ADAMTS3: variants seen among roughly 807,000 people sequenced by gnomAD.
ADAMTS3 encodes A disintegrin and metalloproteinase with thrombospondin motifs 3.
In ADAMTS3, 73 loss-of-function variants were observed where a neutral mutation model predicts 129.0. That is an observed-to-expected ratio of 0.57 (90% CI 0.47 to 0.69). The LOEUF (loss-of-function observed/expected upper bound fraction) is 0.69. ADAMTS3 is among the 30% of genes least tolerant of loss of function. ADAMTS3 has a pLI of 0.00. For synonymous variants in ADAMTS3, 477 were observed against 510.8 expected (o/e 0.93, Z 0.89); for missense variants, 1,457 against 1,514.5 (o/e 0.96, Z 0.63).
chr4:72,317,583 A>G (rs181384304), intron 10 of ADAMTS3, among the ~76,000 whole-genome samples: 15 of 152,080 alleles, frequency 9.9e-5, no homozygotes, highest in Admixed American at 8.5e-4. Context: ...CATTTAACAT[A>G]TATACGTGCC....
Position 72,550,535 on chromosome 4 carries a change from T to C in ADAMTS3, c.98-1651A>G, listed in dbSNP as rs569812199. On this transcript the variant is annotated intron_variant, in intron 2 of 21. Transcript: ENST00000286657. ...ACTAAATGAATACAGCAAGCAACAC[T>C]TGTAAATATTTACTAGGCAAAGAAG... Among the ~76,000 whole-genome samples, 8 of 152,286 alleles carry C rather than the reference T, an allele frequency of 5.3e-5. No homozygotes were observed. The South Asian group carries it at 1.5e-3, about 28-fold the overall frequency.
chr4:72,531,916 C>A (rs531454712), intron 3 of ADAMTS3, among the ~76,000 whole-genome samples: 2 of 152,186 alleles, frequency 1.3e-5, no homozygotes, highest in Admixed American at 1.3e-4. Flanking sequence ...ACAAAGAACA[C>A]ATAGCTTCCA....
At chr4:72,460,369 G>T (rs1718734162) in intron 3 of ADAMTS3, among the ~76,000 whole-genome samples, 1 of 151,422 alleles carries the variant, frequency 6.6e-6, no homozygotes, top group Non-Finnish European at 1.5e-5. Context: ...AAAGCCACTA[G>T]CATTTCAAAA....
At chr4:72,345,692 A>T (rs1296135074) in intron 4 of ADAMTS3, among the ~76,000 whole-genome samples, 2 of 152,116 alleles carry the variant, frequency 1.3e-5, no homozygotes, top group African/African-American at 4.8e-5. Flanking sequence ...TCTTTTCCCC[A>T]AAAGTTCTAA....
intron 3 of ADAMTS3, among the ~76,000 whole-genome samples, chr4:72,541,738 C>T (rs1366322279): frequency 6.6e-6 from 1 of 151,940 alleles, no homozygotes; most frequent in Non-Finnish European, 1.5e-5. Flanking sequence ...TGCTCTCTTG[C>T]CTGCCACTAT....
intron 2 of ADAMTS3, among the ~76,000 whole-genome samples, chr4:72,560,081 G>A (rs1370245140): frequency 3.3e-5 from 5 of 151,490 alleles, no homozygotes; most frequent in Non-Finnish European, 7.4e-5. Context: ...AGCAATAGAG[G>A]AAGGATTCCC....
chr4:72,518,424 GT>G (rs1720558156), intron 3 of ADAMTS3, among the ~76,000 whole-genome samples: 1 of 152,136 alleles, frequency 6.6e-6, no homozygotes, highest in African/African-American at 2.4e-5. Context: ...TCTGTCTAAT[GT>G]TGACAGCGGG....
intron 3 of ADAMTS3, among the ~76,000 whole-genome samples, chr4:72,459,186 G>C (rs1240047461): frequency 6.6e-6 from 1 of 151,574 alleles, no homozygotes; most frequent in East Asian, 1.9e-4. Context: ...GTTTACAAAA[G>C]AAGCCCAAAG....
At chr4:72,488,322 G>A (rs952877583) in intron 3 of ADAMTS3, among the ~76,000 whole-genome samples, 1 of 151,912 alleles carries the variant, frequency 6.6e-6, no homozygotes, top group Admixed American at 6.6e-5. Flanking sequence ...AGATTACACT[G>A]CTATTTTTAC....
intron 3 of ADAMTS3, among the ~76,000 whole-genome samples, chr4:72,520,253 G>T (rs1085965): frequency 0.026 from 3,967 of 152,270 alleles, 197 homozygotes; most frequent in African/African-American, 0.091. Flanking sequence ...CCCCTACTGG[G>T]GGGTGCCTCC....
intron 4 of ADAMTS3, among the ~76,000 whole-genome samples, chr4:72,395,490 T>C (rs964439121): frequency 7.9e-5 from 12 of 152,026 alleles, no homozygotes; most frequent in African/African-American, 1.4e-4. Flanking sequence ...TGAGATAAAA[T>C]AGATAAACTA....
chr4:72,458,462 T>TA, intron 3 of ADAMTS3, among the ~76,000 whole-genome samples: 1 of 151,734 alleles, frequency 6.6e-6, no homozygotes, highest in East Asian at 2.0e-4. Flanking sequence ...GAAATTATGG[T>TA]AAAAATAGGC....
At chr4:72,555,757 G>A (rs1234418356) in intron 2 of ADAMTS3, among the ~76,000 whole-genome samples, 1 of 151,670 alleles carries the variant, frequency 6.6e-6, no homozygotes, top group East Asian at 1.9e-4. Flanking sequence ...GGAGGAGCCT[G>A]GTGGGGGTGA....
At chr4:72,442,736 C>T (rs1718152144) in intron 3 of ADAMTS3, among the ~76,000 whole-genome samples, 1 of 151,820 alleles carries the variant, frequency 6.6e-6, no homozygotes, top group Non-Finnish European at 1.5e-5. Flanking sequence ...AATGGGAGCA[C>T]CCAGAGTGCC....
intron 2 of ADAMTS3, among the ~76,000 whole-genome samples, chr4:72,550,028 GAA>G (rs1721589771): frequency 3.0e-4 from 1 of 3,314 alleles, no homozygotes; most frequent in African/African-American, 8.7e-4. Context: ...AGAAGAAGAA[GAA>G]GAAGAAGAAG....
At chr4:72,365,119 C>A (rs12504883) in intron 4 of ADAMTS3, among the ~76,000 whole-genome samples, 1 of 151,914 alleles carries the variant, frequency 6.6e-6, no homozygotes, top group Non-Finnish European at 1.5e-5. Flanking sequence ...GCATGAGTAA[C>A]GAAAATAAGG....
At chr4:72,306,283 A>G (rs1186643979) in intron 15 of ADAMTS3, among the ~76,000 whole-genome samples, 1 of 152,014 alleles carries the variant, frequency 6.6e-6, no homozygotes, top group Non-Finnish European at 1.5e-5. Context: ...AAAGAGGGAA[A>G]AAAGTTAATC....
intron 4 of ADAMTS3, among the ~76,000 whole-genome samples, chr4:72,400,332 A>G (rs1466148272): frequency 1.4e-5 from 2 of 143,534 alleles, no homozygotes; most frequent in African/African-American, 5.6e-5. Context: ...GTGTATATAT[A>G]CACACGGTGT....
chr4:72,360,654 T>C (rs1443582578), intron 4 of ADAMTS3, among the ~76,000 whole-genome samples: 2 of 152,054 alleles, frequency 1.3e-5, no homozygotes, highest in Admixed American at 1.3e-4. Context: ...GAAAAGGTAC[T>C]GCAACATATT....
Sources: allele counts gnomAD v4.1 joint callset (sites outside exome capture counted in the v4.1 genomes callset), GRCh38; gene constraint gnomAD v4.1.1; transcripts MANE v1.5; gene names NCBI Gene and HGNC (gene_info 2026-07-23, HGNC 2026-07-21).